CNKSR2: variants seen among roughly 807,000 people sequenced by gnomAD.
CNKSR2 encodes the protein connector enhancer of kinase suppressor of Ras 2.
In CNKSR2, 14 loss-of-function variants were observed where a neutral mutation model predicts 84.4. The ratio of observed to expected loss-of-function variants is 0.17; its 90% CI spans 0.11 to 0.26. The LOEUF (loss-of-function observed/expected upper bound fraction) is 0.26. Ranked by LOEUF, CNKSR2 falls within the 10% of genes least tolerant of loss-of-function variation. CNKSR2 has a pLI of 1.00. For missense variants in CNKSR2, 485 were observed against 771.2 expected (o/e 0.63, Z 4.40); for synonymous variants, 275 against 277.9 (o/e 0.99, Z 0.10).
intron 1 of CNKSR2, among the ~76,000 whole-genome samples, 158 bp downstream of exon 1, chrX:21,375,119 C>T (rs891687007): frequency 1.8e-5 from 2 of 112,614 alleles, no homozygotes; most frequent in African/African-American, 6.4e-5. Context: ...CTGGCAGGGG[C>T]CTGGGGTCCC....
chrX:21,398,340 A>G (rs144935198), intron 1 of CNKSR2, among the ~76,000 whole-genome samples: 1,871 of 112,058 alleles, frequency 0.017, 65 homozygotes, highest in East Asian at 0.11. Flanking sequence ...TGAAAATATA[A>G]AATACTTTTT....
chrX:21,543,805 C>CTTTTT (rs376800791), intron 11 of CNKSR2, among the ~76,000 whole-genome samples: 5 of 111,051 alleles, frequency 4.5e-5, no homozygotes, highest in Non-Finnish European at 5.7e-5. Context: ...TAGAAGAGTT[C>CTTTTT]TTTTTTTTCT....
chrX:21,644,688 C>T (rs765810094), intron 20 of CNKSR2: 1 of 111,516 alleles, frequency 9.0e-6, no homozygotes, highest in Non-Finnish European at 1.9e-5. Flanking sequence ...AAGTCACAGT[C>T]TAAGTCTCTG....
intron 12 of CNKSR2, among the ~76,000 whole-genome samples, chrX:21,562,595 A>G (rs748193130): frequency 1.8e-5 from 2 of 111,463 alleles, no homozygotes; most frequent in African/African-American, 6.5e-5. Context: ...CATTTGTTCT[A>G]TAGAATAAAT....
chrX:21,642,972 T>C, intron 20 of CNKSR2: 1 of 257,802 alleles, frequency 3.9e-6, no homozygotes, highest in East Asian at 2.3e-4. Flanking sequence ...ATTGGCTTTA[T>C]TGGTATTTAA....
chrX:21,425,752 G>A (rs969975372), intron 1 of CNKSR2: 4 of 111,514 alleles, frequency 3.6e-5, no homozygotes, highest in East Asian at 2.8e-4. Flanking sequence ...GATTGAAACC[G>A]CCTCAATCTA....
At chrX:21,609,735 A>G (rs1246693733) in intron 20 of CNKSR2, 118 bp downstream of exon 20, 15 of 969,576 alleles carry the variant, frequency 1.5e-5, no homozygotes, top group South Asian at 5.8e-5. Context: ...TAGTATTGCT[A>G]TATAGTAAGT....
chrX:21,396,975 C>T (rs1178105560), intron 1 of CNKSR2, among the ~76,000 whole-genome samples: 10 of 111,697 alleles, frequency 9.0e-5, no homozygotes, highest in African/African-American at 3.2e-4. Context: ...AAACCTACTT[C>T]ATAGAATAAT....
intron 11 of CNKSR2, among the ~76,000 whole-genome samples, chrX:21,559,053 A>T (rs188199208): frequency 3.6e-5 from 4 of 110,765 alleles, no homozygotes; most frequent in African/African-American, 1.3e-4. Context: ...TGACTGTGCA[A>T]AGTGGTGGGA....
chrX:21,554,608 T>C (rs1036032922), intron 11 of CNKSR2, among the ~76,000 whole-genome samples: 2 of 111,678 alleles, frequency 1.8e-5, no homozygotes, highest in Non-Finnish European at 3.8e-5. Context: ...TCTGTGTTAG[T>C]TTGCTGAGCA....
At chrX:21,559,141 G>C (rs1324771447) in intron 11 of CNKSR2, among the ~76,000 whole-genome samples, 1 of 111,127 alleles carries the variant, frequency 9.0e-6, no homozygotes, top group Non-Finnish European at 1.9e-5. Flanking sequence ...TGGATCTATA[G>C]ATGGCTGTTG....
chrX:21,542,062 A>G (rs964778494), intron 11 of CNKSR2, among the ~76,000 whole-genome samples: 1 of 112,425 alleles, frequency 8.9e-6, no homozygotes, highest in Non-Finnish European at 1.9e-5. Context: ...ATGCATTTAC[A>G]TAGATATGAA....
intron 20 of CNKSR2, among the ~76,000 whole-genome samples, chrX:21,633,331 C>A (rs1311793820): frequency 9.0e-6 from 1 of 111,102 alleles, no homozygotes; most frequent in African/African-American, 3.3e-5. Context: ...AATAGGAATT[C>A]CAAAAAATTC....
At chrX:21,559,173 C>G (rs180764482) in intron 11 of CNKSR2, among the ~76,000 whole-genome samples, 1 of 110,566 alleles carries the variant, frequency 9.0e-6, no homozygotes, top group Non-Finnish European at 1.9e-5. Flanking sequence ...TTCTTCTTAG[C>G]TTAAAAGAAT....
intron 20 of CNKSR2, among the ~76,000 whole-genome samples, chrX:21,639,699 T>G (rs766488676): frequency 1.8e-5 from 2 of 111,616 alleles, no homozygotes; most frequent in South Asian, 3.8e-4. Context: ...ACTTAGAAAC[T>G]ACTTGTATAT....
chrX:21,386,892 C>A (rs748622669), intron 1 of CNKSR2, among the ~76,000 whole-genome samples: 1 of 111,967 alleles, frequency 8.9e-6, no homozygotes, highest in South Asian at 3.7e-4. Context: ...CTGTAAAGCA[C>A]CTTTTTCTCC....
At chrX:21,515,648 G>A (rs1034278204) in intron 8 of CNKSR2, among the ~76,000 whole-genome samples, 2 of 111,436 alleles carry the variant, frequency 1.8e-5, no homozygotes, top group Non-Finnish European at 3.8e-5. Context: ...TCACTAGTCC[G>A]TTTTGAAAGC....
chrX:21,608,963 G>T (rs372048869), intron 19 of CNKSR2, 108 bp from the exon 20 acceptor site: 1 of 1,067,548 alleles, frequency 9.4e-7, no homozygotes, highest in African/African-American at 1.9e-5. Context: ...ACATGACTAC[G>T]TAAGAGTTCA....
At position 21,462,211 on chromosome X, in the gene CNKSR2, A is replaced by G. The variant is rs7062576; in HGVS notation, c.520-8555A>G. On this transcript the variant is annotated intron_variant, in intron 4 of 21. Transcript: ENST00000379510. ...TTTGGTGGCTTCTTCCATTTCTTTT[A>G]TCAGTGTTTTGTAGTTTCCATTACA... 4.1e-3 allele frequency among the ~76,000 whole-genome samples: 454 copies of G among 111,341 alleles called. 4 individuals are homozygous for G. Among genetic ancestry groups the G allele is most frequent in the African/African-American group, 0.013 (406 of 30,710 alleles).
Sources: gnomAD v4.1 joint callset for allele counts (sites outside exome capture counted in the v4.1 genomes callset) on GRCh38, gnomAD v4.1.1 for gene constraint, MANE v1.5 for transcripts, NCBI Gene and HGNC (gene_info 2026-07-23, HGNC 2026-07-21) for gene names.